Variants in CCDC180 observed in about 807,000 individuals in gnomAD.
CCDC180 encodes the protein coiled-coil domain-containing protein 180.
CCDC180 carries 154 observed loss-of-function variants against 209.2 expected under a neutral mutation model. That is an observed-to-expected ratio of 0.74 (90% CI 0.65 to 0.84). The LOEUF (loss-of-function observed/expected upper bound fraction) is 0.84. Ranked by LOEUF, CCDC180 falls within the 40% of genes least tolerant of loss-of-function variation. CCDC180 has a pLI of 0.00. For synonymous variants in CCDC180, 778 were observed against 749.1 expected (o/e 1.04, Z -0.63); for missense variants, 1,874 against 1,997.3 (o/e 0.94, Z 1.18).
chr9:97,334,770 T>G (rs1167571656), intron 18 of CCDC180, among the ~76,000 whole-genome samples: 1 of 152,124 alleles, frequency 6.6e-6, no homozygotes, highest in Non-Finnish European at 1.5e-5. Context: ...AACAAAATCA[T>G]AGGGCCAAAC....
chr9:97,361,041 G>C (rs1338238949), intron 26 of CCDC180, among the ~76,000 whole-genome samples: 1 of 152,160 alleles, frequency 6.6e-6, no homozygotes, highest in African/African-American at 2.4e-5. Context: ...GTAGCATGGG[G>C]CTCCAAGGGT....
intron 5 of CCDC180, among the ~76,000 whole-genome samples, chr9:97,313,793 C>T (rs1375165529): frequency 1.3e-5 from 2 of 152,126 alleles, no homozygotes; most frequent in Non-Finnish European, 2.9e-5. Context: ...CCAGAGACCT[C>T]ATCTCCACAC....
chr9:97,364,191 A>G, intron 29 of CCDC180, 63 bp downstream of exon 29: 2 of 1,487,342 alleles, frequency 1.3e-6, no homozygotes, highest in Non-Finnish European at 1.9e-6. Context: ...GGGGCAGCAA[A>G]TGTGACTCAG....
At chr9:97,322,279 G>A (rs1286140426) in intron 11 of CCDC180, among the ~76,000 whole-genome samples, 2 of 152,022 alleles carry the variant, frequency 1.3e-5, no homozygotes, top group African/African-American at 4.8e-5. Context: ...CCCAGCCCTG[G>A]ACAAAGAACA....
intron 21 of CCDC180, 89 bp from the exon 22 acceptor site, chr9:97,350,320 C>T: frequency 7.5e-7 from 1 of 1,337,462 alleles, no homozygotes; most frequent in Non-Finnish European, 1.0e-6. Context: ...TCCCTTGTCC[C>T]TCAGGCTGAT....
intron 22 of CCDC180, 41 bp downstream of exon 22, chr9:97,350,596 T>G (rs1326659580): frequency 6.5e-7 from 1 of 1,531,536 alleles, no homozygotes; most frequent in Admixed American, 2.0e-5. Flanking sequence ...CCACCTGAGT[T>G]TCTCTATTGG....
intron 16 of CCDC180, among the ~76,000 whole-genome samples, chr9:97,328,463 C>T (rs1833607116): frequency 6.6e-6 from 1 of 152,124 alleles, no homozygotes; most frequent in South Asian, 2.1e-4. Flanking sequence ...CTTTAACCCA[C>T]CTACTCTCCT....
chr9:97,311,114 C>G (rs1299488127), intron 3 of CCDC180, among the ~76,000 whole-genome samples: 1 of 152,162 alleles, frequency 6.6e-6, no homozygotes, highest in East Asian at 1.9e-4. Flanking sequence ...TGCTCATCAC[C>G]CAGGGCAGAC....
chr9:97,347,529 C>T, intron 20 of CCDC180, 40 bp downstream of exon 20: 9 of 1,522,278 alleles, frequency 5.9e-6, no homozygotes, highest in Non-Finnish European at 7.9e-6. Context: ...TGCCCGCAGC[C>T]ACTCCTTCAG....
chr9:97,375,014 G>A (rs1827208405), intron 35 of CCDC180, among the ~76,000 whole-genome samples: 1 of 152,234 alleles, frequency 6.6e-6, no homozygotes, highest in Admixed American at 6.5e-5. Flanking sequence ...TGTGTGAAGA[G>A]AGTTGGCAAT....
chr9:97,349,628 C>T (rs1826368026), intron 21 of CCDC180, among the ~76,000 whole-genome samples: 1 of 152,206 alleles, frequency 6.6e-6, no homozygotes, highest in Non-Finnish European at 1.5e-5. Context: ...AAGATGAACT[C>T]AGAGGAGCCC....
rs1302567635 is a variant in CCDC180 at position 97,370,654 on chromosome 9, A to G, written c.4364A>G (p.Gln1455Arg). ...GTTTGATTAAAGGACAAAAATGCCC[A>G]GAAGCTCCATCTAAATCTTGGACAC... ...RLEKRKDKNA[Q>R]KLHLNLGHPV... Residue 1455 changes from glutamine (Q) to arginine (R), a missense_variant, in exon 33 of 37, where the codon CAG (glutamine) becomes CGG (arginine). By Grantham distance (43) the Gln-to-Arg change is conservative. Coordinates refer to ENST00000529487, the MANE Select transcript of CCDC180 (RefSeq NM_020893.6). 1.9e-6 allele frequency: 3 copies of G among 1,613,874 alleles called. No individual in the cohort carries two copies. The highest frequency in any genetic ancestry group is 1.7e-6 in the Non-Finnish European group (2 of 1,179,962).
At chr9:97,344,812 C>A (rs1400601080) in intron 19 of CCDC180, among the ~76,000 whole-genome samples, 1 of 152,136 alleles carries the variant, frequency 6.6e-6, no homozygotes, top group Non-Finnish European at 1.5e-5. Context: ...ACGAATTGCC[C>A]AAATATGACA....
chr9:97,350,304 G>T (rs1471365575), intron 21 of CCDC180, 105 bp from the exon 22 acceptor site: 1 of 1,109,604 alleles, frequency 9.0e-7, no homozygotes, highest in East Asian at 2.6e-5. Context: ...TATCGTGACC[G>T]GCCCCTCCCT....
At chr9:97,359,875 A>G in intron 25 of CCDC180, 107 bp from the exon 26 acceptor site, 1 of 1,428,262 alleles carries the variant, frequency 7.0e-7, no homozygotes, top group Non-Finnish European at 9.6e-7. Flanking sequence ...CATTAAGCCA[A>G]GAGGTATCCT....
At chr9:97,353,919 T>G (rs1396650993) in intron 22 of CCDC180, among the ~76,000 whole-genome samples, 1 of 151,876 alleles carries the variant, frequency 6.6e-6, no homozygotes, top group Admixed American at 6.6e-5. Context: ...AACCTCCAAG[T>G]CTCTGGTGCA....
At position 97,362,186 on chromosome 9, in the gene CCDC180, T is replaced by G; in HGVS notation, c.3657-10T>G. On this transcript the variant is annotated splice_polypyrimidine_tract_variant and intron_variant, in intron 27 of 36. Transcript: ENST00000529487. ...CGGAGAAGAGCTCACACCCTTTCCT[T>G]TGGTTTCAGACTTCCCAACACAAAA... 6.2e-7 allele frequency: 1 copy of G among 1,608,158 alleles called. No homozygotes were observed. Among genetic ancestry groups the G allele is most frequent in the Non-Finnish European group, 8.5e-7 (1 of 1,175,586 alleles).
intron 35 of CCDC180, among the ~76,000 whole-genome samples, chr9:97,375,223 T>G (rs902516547): frequency 6.6e-6 from 1 of 152,094 alleles, no homozygotes; most frequent in Non-Finnish European, 1.5e-5. Flanking sequence ...GGCACTCCCC[T>G]TCCCCCCCCA....
At chr9:97,309,693 C>T in intron 3 of CCDC180, 89 bp downstream of exon 3, 1 of 1,121,480 alleles carries the variant, frequency 8.9e-7, no homozygotes, top group Non-Finnish European at 1.2e-6. Context: ...GATGAGTAGC[C>T]TGTAGGAATG....
Sources: gnomAD v4.1 joint callset for allele counts (sites outside exome capture counted in the v4.1 genomes callset) on GRCh38, gnomAD v4.1.1 for gene constraint, MANE v1.5 for transcripts, NCBI Gene and HGNC (gene_info 2026-07-23, HGNC 2026-07-21) for gene names.